PREX2: variants seen among roughly 807,000 people sequenced by gnomAD.
PREX2 encodes the protein phosphatidylinositol-3,4,5-trisphosphate dependent Rac exchange factor 2, also known as phosphatidylinositol 3,4,5-trisphosphate-dependent Rac exchanger 2 protein.
Under a neutral mutation model 203.2 loss-of-function variants are expected in PREX2, and 107 were observed. The ratio of observed to expected loss-of-function variants is 0.53; its 90% CI spans 0.45 to 0.62. The LOEUF is 0.62. Ranked by LOEUF, PREX2 falls within the 20% of genes least tolerant of loss-of-function variation. The pLI is 0.00. For synonymous variants in PREX2, 672 were observed against 663.6 expected (o/e 1.01, Z -0.19); for missense variants, 1,777 against 1,955.9 (o/e 0.91, Z 1.72).
Position 68,097,212 on chromosome 8 carries a change from T to C in PREX2, c.2553+11T>C, listed in dbSNP as rs201026235. 3 of 1,588,260 alleles carry C rather than the reference T, an allele frequency of 1.9e-6. No homozygotes were observed. Among genetic ancestry groups the C allele is most frequent in the South Asian group, 1.1e-5 (1 of 88,264 alleles). On this transcript the variant is annotated intron_variant, in intron 22 of 39. Transcript: ENST00000288368. Reference sequence around the variant, plus strand: ...AGCTTAACTGCCAAGGTAGGAGCGATGCTGAAGAAATAAGATTTTTTGTTC... The same window carrying C: ...AGCTTAACTGCCAAGGTAGGAGCGACGCTGAAGAAATAAGATTTTTTGTTC...
At chr8:68,023,717 T>C (rs1398370417) in intron 4 of PREX2, among the ~76,000 whole-genome samples, 1 of 152,108 alleles carries the variant, frequency 6.6e-6, no homozygotes, top group African/African-American at 2.4e-5. Context: ...TTTTTATTCC[T>C]TTGTTTTCCC....
intron 1 of PREX2, among the ~76,000 whole-genome samples, chr8:67,955,589 C>A (rs1367191584): frequency 6.6e-6 from 1 of 152,174 alleles, no homozygotes; most frequent in Non-Finnish European, 1.5e-5. Flanking sequence ...TCCATAGTAC[C>A]CAAAGTAGTT....
intron 33 of PREX2, 47 bp from the exon 34 acceptor site, chr8:68,146,162 G>C (rs753111829): frequency 7.4e-7 from 1 of 1,353,608 alleles, no homozygotes; most frequent in Non-Finnish European, 1.0e-6. Context: ...GTACCATCTA[G>C]CATATCCTTA....
chr8:68,119,198 T>G (rs759837081), intron 27 of PREX2, among the ~76,000 whole-genome samples: 16 of 152,258 alleles, frequency 1.1e-4, no homozygotes, highest in Non-Finnish European at 2.2e-4. Flanking sequence ...GAACATCATT[T>G]GAAAGAGTCT....
chr8:68,214,706 TA>T (rs1432116444), intron 37 of PREX2, among the ~76,000 whole-genome samples: 1 of 152,116 alleles, frequency 6.6e-6, no homozygotes, highest in Non-Finnish European at 1.5e-5. Context: ...ATGGGGCAAA[TA>T]AAAGTGACAG....
chr8:68,044,383 A>C lies in PREX2; in HGVS notation c.840-104A>C. Reference sequence around the variant, plus strand: ...AGGAGTCTAATGTTTGATATTGTCGATTGAATTGGTGTCTTTTTTCAAAGA... The same window carrying C: ...AGGAGTCTAATGTTTGATATTGTCGCTTGAATTGGTGTCTTTTTTCAAAGA... On this transcript the variant is annotated intron_variant, in intron 7 of 39. Transcript: ENST00000288368. The C allele has an allele frequency of 6.7e-6, 5 of 741,438 alleles. No homozygotes were observed. In the South Asian group the frequency reaches 7.4e-5, roughly 11 times the overall value. The allele number at this position is 741,438 out of a possible 1,614,324, so 45.9% of individuals were successfully genotyped here.
chr8:68,226,364 T>C (rs1014009746), intron 39 of PREX2, among the ~76,000 whole-genome samples: 1 of 151,934 alleles, frequency 6.6e-6, no homozygotes, highest in East Asian at 1.9e-4. Flanking sequence ...CCTGTGGAGG[T>C]GCAGAGAGAA....
At chr8:68,149,253 A>G (rs1310370611) in intron 34 of PREX2, among the ~76,000 whole-genome samples, 1 of 152,208 alleles carries the variant, frequency 6.6e-6, no homozygotes, top group African/African-American at 2.4e-5. Flanking sequence ...TTGATGGGGC[A>G]TCCTTCAGAG....
At chr8:68,195,518 T>C (rs112432453) in intron 37 of PREX2, among the ~76,000 whole-genome samples, 4 of 152,204 alleles carry the variant, frequency 2.6e-5, no homozygotes, top group African/African-American at 9.6e-5. Flanking sequence ...CTTAGATTTT[T>C]CATGATGATA....
At position 68,120,751 on chromosome 8, in the gene PREX2, A is replaced by C. The variant is rs3750219; in HGVS notation, c.3596-170A>C. Among the ~76,000 whole-genome samples, 113 of 152,290 alleles carry C rather than the reference A, an allele frequency of 7.4e-4. 2 individuals are homozygous for C. The East Asian group carries it at 0.02, about 27-fold the overall frequency. ...GTTTAAACATTTATAAGAAAATAAC[A>C]TGAAGGTTTGACTTTTTACATTTAA... On this transcript the variant is annotated intron_variant, in intron 29 of 39. Transcript: ENST00000288368.
At chr8:67,989,194 A>G (rs1450811834) in intron 1 of PREX2, among the ~76,000 whole-genome samples, 1 of 152,230 alleles carries the variant, frequency 6.6e-6, no homozygotes, top group Non-Finnish European at 1.5e-5. Context: ...TGATGCTAAA[A>G]TAAGTAGAAA....
intron 1 of PREX2, among the ~76,000 whole-genome samples, chr8:68,004,174 C>T (rs1807027421): frequency 6.6e-6 from 1 of 152,116 alleles, no homozygotes; most frequent in South Asian, 2.1e-4. Context: ...TCCTTCATTT[C>T]CTGACTGTTC....
At chr8:68,063,522 C>T (rs1003931837) in intron 11 of PREX2, among the ~76,000 whole-genome samples, 2 of 152,130 alleles carry the variant, frequency 1.3e-5, no homozygotes, top group Non-Finnish European at 2.9e-5. Context: ...TCCTCTGCCA[C>T]GGATTGGATT....
chr8:68,100,015 C>T (rs1350684820), intron 23 of PREX2, 172 bp downstream of exon 23: 1 of 745,572 alleles, frequency 1.3e-6, no homozygotes, highest in Non-Finnish European at 2.4e-6. Flanking sequence ...TCCATTACCT[C>T]ATTTGATCTT....
At chr8:68,131,736 A>C (rs1032914268) in intron 31 of PREX2, among the ~76,000 whole-genome samples, 62 of 152,190 alleles carry the variant, frequency 4.1e-4, no homozygotes, top group African/African-American at 1.4e-3. Context: ...AGAAACTTGG[A>C]AATAATTATT....
intron 19 of PREX2, among the ~76,000 whole-genome samples, chr8:68,090,060 ACT>A (rs997809650): frequency 6.6e-6 from 1 of 152,002 alleles, no homozygotes; most frequent in Non-Finnish European, 1.5e-5. Context: ...TATATGTCAA[ACT>A]CTTATTTTTC....
chr8:67,997,175 A>G (rs997430350), intron 1 of PREX2, among the ~76,000 whole-genome samples: 2 of 152,126 alleles, frequency 1.3e-5, no homozygotes, highest in Non-Finnish European at 2.9e-5. Context: ...AAAAACTGCA[A>G]TTACTTTTGC....
chr8:68,083,197 A>AT (rs778316159), intron 17 of PREX2, 43 bp from the exon 18 acceptor site: 2 of 1,451,404 alleles, frequency 1.4e-6, no homozygotes, highest in Non-Finnish European at 1.9e-6. Flanking sequence ...AAAATTTCTT[A>AT]TTAAAATATA....
intron 17 of PREX2, chr8:68,082,823 G>C (rs1809572005): frequency 6.3e-6 from 1 of 158,644 alleles, no homozygotes. Flanking sequence ...TGTCAGGCTA[G>C]AGATACATAT....
Sources: gnomAD v4.1 joint callset for allele counts (sites outside exome capture counted in the v4.1 genomes callset) on GRCh38, gnomAD v4.1.1 for gene constraint, MANE v1.5 for transcripts, NCBI Gene and HGNC (gene_info 2026-07-23, HGNC 2026-07-21) for gene names.